Variants in RRP12 observed in about 807,000 individuals in gnomAD.
RRP12 encodes ribosomal RNA processing 12 homolog, also known as RRP12-like protein.
In RRP12, 78 loss-of-function variants were observed where a neutral mutation model predicts 157.3. That is an observed-to-expected ratio of 0.50 (90% CI 0.41 to 0.60). The LOEUF (loss-of-function observed/expected upper bound fraction) is 0.60, where lower values mean the gene tolerates loss of function less well. RRP12 is among the 20% of genes least tolerant of loss of function. The probability of loss-of-function intolerance (pLI) is 0.00; values close to 1 mark genes in which losing one functional copy is unlikely to be tolerated. For synonymous variants in RRP12, 726 were observed against 670.9 expected (o/e 1.08, Z -1.27); for missense variants, 1,521 against 1,679.9 (o/e 0.91, Z 1.65).
At chr10:97,400,632 C>A (rs1284383883) in intron 1 of RRP12, 98 bp from the exon 2 acceptor site, 1 of 925,392 alleles carries the variant, frequency 1.1e-6, no homozygotes, top group Non-Finnish European at 1.6e-6. Flanking sequence ...AAATCTCCAA[C>A]CCGAGAGGCT....
At chr10:97,380,165 G>T (rs1377544686) in intron 13 of RRP12, among the ~76,000 whole-genome samples, 2 of 152,218 alleles carry the variant, frequency 1.3e-5, no homozygotes, top group Non-Finnish European at 2.9e-5. Context: ...CTGGCCTCTT[G>T]TATAAAGCCA....
In RRP12 at chr10:97,363,901, C is replaced by T. The variant is rs750708033; in HGVS notation, c.3520G>A (p.Glu1174Lys). 2.9e-5 allele frequency: 46 copies of T among 1,613,840 alleles called. No homozygotes were observed. The highest frequency in any genetic ancestry group is 8.9e-5 in the East Asian group (4 of 44,876). The change falls in exon 30 of 34, where the codon GAA becomes AAA. Residue 1174 changes from glutamate to lysine, a missense_variant and splice_region_variant. Coordinates refer to ENST00000370992, the MANE Select transcript of RRP12 (RefSeq NM_015179.4). ...KMEEEEGAKG[E>K]DEEMADPMED... is the part of the protein sequence containing the mutation. ...ATTGGGTCAGCCATCTCTTCATCTT[C>T]GCCTGGAGCCAAAAAAGAGAGGCCC... is the stretch of plus-strand genomic sequence containing the variant.
At chr10:97,374,474 T>C (rs1322125130) in intron 15 of RRP12, among the ~76,000 whole-genome samples, 1 of 151,502 alleles carries the variant, frequency 6.6e-6, no homozygotes, top group African/African-American at 2.4e-5. Flanking sequence ...ATGCCCACTT[T>C]GTAAAACATA....
chr10:97,381,631 G>A (rs1844470020), intron 11 of RRP12, 84 bp downstream of exon 11: 2 of 1,320,668 alleles, frequency 1.5e-6, no homozygotes, highest in African/African-American at 2.9e-5. Context: ...GCCCGAGCTG[G>A]TAGCCTGGGG....
Position 97,370,440 on chromosome 10 carries a change from C to G in RRP12, c.2689+15G>C. On this transcript the variant is annotated intron_variant, in intron 23 of 33. Coordinates refer to ENST00000370992, the MANE Select transcript of RRP12 (RefSeq NM_015179.4). ...CTATGAGCAGAGTGTCCACCCCCAG[C>G]CCCCTGGGCCTCACCTTCCTGGTTC... is the stretch of plus-strand genomic sequence containing the variant. 2 of 1,569,728 alleles carry G rather than the reference C, an allele frequency of 1.3e-6. No homozygotes were observed. Among genetic ancestry groups the G allele is most frequent in the Non-Finnish European group, 1.7e-6 (2 of 1,153,086 alleles).
intron 25 of RRP12, 172 bp from the exon 26 acceptor site, chr10:97,367,304 G>A (rs1844017867): frequency 4.9e-6 from 3 of 617,736 alleles, no homozygotes; most frequent in Middle Eastern, 4.3e-4. Context: ...GGGTGGGCAG[G>A]CCCCATCTTT....
chr10:97,364,549 A>C (rs1004799232), intron 29 of RRP12, among the ~76,000 whole-genome samples: 8 of 152,136 alleles, frequency 5.3e-5, no homozygotes, highest in African/African-American at 1.7e-4. Context: ...AAACCCCATC[A>C]CTACTAAAAA....
Position 97,388,986 on chromosome 10 carries a change from A to G in RRP12, c.754-362T>C, listed in dbSNP as rs1428917715. On this transcript the variant is annotated intron_variant, in intron 6 of 33. Coordinates refer to ENST00000370992, the MANE Select transcript of RRP12 (RefSeq NM_015179.4). Reference sequence around the variant, plus strand: ...CAGGCACTGTTCTAGGTCCTGGCAAACTGGCACTGAACAGCAGGCAACTCC... The same window carrying G: ...CAGGCACTGTTCTAGGTCCTGGCAAGCTGGCACTGAACAGCAGGCAACTCC... Among the ~76,000 whole-genome samples, 5 of 152,334 alleles carry G rather than the reference A, an allele frequency of 3.3e-5. No individual in the cohort carries two copies. The East Asian group carries it at 9.6e-4, about 29-fold the overall frequency.
intron 2 of RRP12, among the ~76,000 whole-genome samples, chr10:97,399,274 C>T (rs1471795655): frequency 6.6e-6 from 1 of 151,896 alleles, no homozygotes; most frequent in African/African-American, 2.4e-5. Flanking sequence ...ACTCCGGCTC[C>T]AGAAAAAAAT....
chr10:97,393,670 GA>G lies in RRP12; in HGVS notation c.530+13del. 1 of 1,611,900 alleles carries G rather than the reference GA, an allele frequency of 6.2e-7. No individual in the cohort carries two copies. Among genetic ancestry groups the G allele is most frequent in the Non-Finnish European group, 8.5e-7 (1 of 1,178,106 alleles). On this transcript the variant is annotated intron_variant, in intron 4 of 33. Coordinates refer to ENST00000370992, the MANE Select transcript of RRP12 (RefSeq NM_015179.4). ...ACAAAAAGCCTTGGGGTTCAAACAG[GA>G]GGCAGAACTCACCGCTTCAGGACAA...
chr10:97,373,288 T>C, intron 17 of RRP12, 88 bp from the exon 18 acceptor site: 2 of 1,380,138 alleles, frequency 1.4e-6, no homozygotes, highest in Non-Finnish European at 2.0e-6. Context: ...AGGCCCTCTC[T>C]TGGGGGAGCT....
At chr10:97,388,197 C>T in intron 8 of RRP12, 55 bp downstream of exon 8, 2 of 1,609,554 alleles carry the variant, frequency 1.2e-6, no homozygotes, top group Non-Finnish European at 1.7e-6. Context: ...CAGTGAGTTC[C>T]CCAAATGCCA....
intron 15 of RRP12, among the ~76,000 whole-genome samples, chr10:97,375,954 A>G (rs1455670022): frequency 6.6e-6 from 1 of 152,068 alleles, no homozygotes; most frequent in African/African-American, 2.4e-5. Context: ...AAATAAAAAA[A>G]TTAGCGAGGG....
chr10:97,397,992 CGTATATATATATACATATATAT>C, intron 2 of RRP12, among the ~76,000 whole-genome samples: 1 of 42,786 alleles, frequency 2.3e-5, no homozygotes, highest in African/African-American at 1.1e-4. Context: ...AAAAAAAATA[CGTATATATATATACATATATAT>C]ATATATATGT....
intron 8 of RRP12, among the ~76,000 whole-genome samples, chr10:97,386,498 T>C (rs1034108141): frequency 1.3e-5 from 2 of 152,148 alleles, no homozygotes; most frequent in Non-Finnish European, 2.9e-5. Flanking sequence ...TGTTTTATCA[T>C]GTATATTTGT....
In RRP12 at chr10:97,373,148, G is replaced by A. The variant is rs778040972; in HGVS notation, c.2079C>T (p.Leu693=). The change falls in exon 18 of 34, where the codon CTC becomes CTT. Residue 693 remains leucine (L), a synonymous_variant. Coordinates refer to ENST00000370992, the MANE Select transcript of RRP12 (RefSeq NM_015179.4). The part of the protein sequence containing the change: ...SRFAKNFLPI[L]FNLYGQPVAA... ...CCACGGGCTGCCCATACAGGTTGAA[G>A]AGGATCGGCAGAAAGTTCTTGGCAA... 5.6e-6 allele frequency: 9 copies of A among 1,614,240 alleles called. No homozygotes were observed. The Middle Eastern group carries it at 1.2e-3, about 207-fold the overall frequency.
intron 15 of RRP12, among the ~76,000 whole-genome samples, chr10:97,376,212 CTTTTTTTT>C (rs771016888): frequency 1.9e-5 from 2 of 107,536 alleles, no homozygotes; most frequent in African/African-American, 7.5e-5. Context: ...CTTTTACTTT[CTTTTTTTT>C]TTTTTTTTTT....
Position 97,357,133 on chromosome 10 carries a change from C to T in RRP12, c.3855G>A (p.Gln1285=). 1.2e-6 allele frequency: 2 copies of T among 1,613,638 alleles called. No homozygotes were observed. The highest frequency in any genetic ancestry group is 1.7e-6 in the Non-Finnish European group (2 of 1,179,702). ...CCTTTCTGCGGTTTTTGTGTCCCACCTGGGAACCTCGCCGGGCAGCCTTCA... is the reference window on the plus strand; with the variant it reads ...CCTTTCTGCGGTTTTTGTGTCCCACTTGGGAACCTCGCCGGGCAGCCTTCA... ...GLVKAARRGS[Q]VGHKNRRKDR... The change falls in exon 34 of 34, where the codon CAG becomes CAA. Residue 1285 remains glutamine, a synonymous_variant. Coordinates refer to ENST00000370992, the MANE Select transcript of RRP12 (RefSeq NM_015179.4).
At chr10:97,378,358 T>C (rs903846938) in intron 15 of RRP12, among the ~76,000 whole-genome samples, 1 of 152,172 alleles carries the variant, frequency 6.6e-6, no homozygotes, top group African/African-American at 2.4e-5. Flanking sequence ...GTATAGTCTA[T>C]TGCTCCTAGG....
Sources: allele counts gnomAD v4.1 joint callset (sites outside exome capture counted in the v4.1 genomes callset), GRCh38; gene constraint gnomAD v4.1.1; transcripts MANE v1.5; gene names NCBI Gene and HGNC (gene_info 2026-07-23, HGNC 2026-07-21).